UPF3B: variants seen among roughly 807,000 people sequenced by gnomAD.
UPF3B encodes the protein regulator of nonsense transcripts 3B.
UPF3B carries 7 observed loss-of-function variants against 40.3 expected under a neutral mutation model. That is an observed-to-expected ratio of 0.17 (90% CI 0.10 to 0.33). The LOEUF (loss-of-function observed/expected upper bound fraction) is 0.33. UPF3B is among the 10% of genes least tolerant of loss of function. The pLI is 1.00. For synonymous variants in UPF3B, 117 were observed against 117.3 expected (o/e 1.00, Z 0.01); for missense variants, 229 against 358.9 (o/e 0.64, Z 2.93).
chrX:119,850,063 G>A (rs751898639), intron 3 of UPF3B, among the ~76,000 whole-genome samples: 2 of 102,989 alleles, frequency 1.9e-5, no homozygotes, highest in Non-Finnish European at 3.9e-5. Context: ...GCTGAGGTGG[G>A]GGGGGGGAAA....
chrX:119,809,700 G>A (rs1478616326), intron 5 of UPF3B, among the ~76,000 whole-genome samples: 1 of 111,963 alleles, frequency 8.9e-6, no homozygotes, highest in Non-Finnish European at 1.9e-5. Context: ...CAGCCTGGGC[G>A]ACAGAGTGAG....
chrX:119,849,945 AAAAC>A (rs201679684), intron 3 of UPF3B, among the ~76,000 whole-genome samples: 10 of 110,070 alleles, frequency 9.1e-5, no homozygotes, highest in East Asian at 2.9e-4. Flanking sequence ...AAAACAAAAC[AAAAC>A]AAACAAACAA....
chrX:119,852,638 G>A lies in UPF3B; in HGVS notation c.156+135C>T. On this transcript the variant is annotated intron_variant, in intron 1 of 10. Coordinates refer to ENST00000276201, the MANE Select transcript of UPF3B (RefSeq NM_080632.3). ...CATTTCGGGTGAATGGATGAACCAG[G>A]ATGATGCGACTTCCATTCAGGCGAA... 4 of 1,023,646 alleles carry A rather than the reference G, an allele frequency of 3.9e-6. No individual in the cohort carries two copies. In the South Asian group the frequency reaches 8.0e-5, roughly 21 times the overall value. The allele number at this position is 1,023,646 out of a possible 1,213,427, so 84.4% of individuals were successfully genotyped here.
chrX:119,839,592 C>T (rs1042376998), intron 8 of UPF3B, among the ~76,000 whole-genome samples: 1 of 112,171 alleles, frequency 8.9e-6, no homozygotes, highest in African/African-American at 3.2e-5. Context: ...GAAGGTATCA[C>T]ACAAGGTTCA....
At chrX:119,829,977 C>A (rs1169719111), downstream of UPF3B, among the ~76,000 whole-genome samples, 1 of 111,924 alleles carries the variant, frequency 8.9e-6, no homozygotes, top group African/African-American at 3.2e-5. Flanking sequence ...GTCAGCCAAT[C>A]TCCTTCTTGA....
At chrX:119,810,193 G>A (rs2055818204) in intron 5 of UPF3B, among the ~76,000 whole-genome samples, 1 of 112,348 alleles carries the variant, frequency 8.9e-6, no homozygotes, top group Non-Finnish European at 1.9e-5. Context: ...CAAAAGTTGA[G>A]CAAACTTTCC....
intron 3 of UPF3B, among the ~76,000 whole-genome samples, chrX:119,826,985 G>A (rs2055985001): frequency 8.9e-6 from 1 of 112,050 alleles, no homozygotes; most frequent in South Asian, 3.7e-4. Context: ...TATTATGAGA[G>A]TGTCTTGAGA....
At chrX:119,844,275 T>G (rs1456285223) in intron 4 of UPF3B, among the ~76,000 whole-genome samples, 2 of 111,202 alleles carry the variant, frequency 1.8e-5, no homozygotes, top group African/African-American at 6.5e-5. Context: ...GGTCTCGAAC[T>G]CCTGACCTCA....
chrX:119,810,719 A>C (rs896470493), intron 5 of UPF3B, among the ~76,000 whole-genome samples: 11 of 111,564 alleles, frequency 9.9e-5, no homozygotes, highest in African/African-American at 1.6e-4. Context: ...AGAGAGTTTC[A>C]ATGGGAAACC....
intron 3 of UPF3B, among the ~76,000 whole-genome samples, chrX:119,826,691 T>C (rs757160913): frequency 8.9e-6 from 1 of 112,195 alleles, no homozygotes; most frequent in East Asian, 2.8e-4. Context: ...TTAATTATTG[T>C]TTTTGCCATT....
downstream of UPF3B, among the ~76,000 whole-genome samples, chrX:119,832,708 C>T (rs1362914314): frequency 9.0e-6 from 1 of 111,166 alleles, no homozygotes; most frequent in Non-Finnish European, 1.9e-5. Flanking sequence ...TAAAGGACAG[C>T]CCAGAGACAG....
chrX:119,836,681 C>T (rs757591684), intron 10 of UPF3B, among the ~76,000 whole-genome samples: 25 of 105,788 alleles, frequency 2.4e-4, no homozygotes, highest in East Asian at 1.8e-3. Flanking sequence ...GACAGAGTCT[C>T]GCTCTGTTGC....
At position 119,840,630 on chromosome X, in the gene UPF3B, T is replaced by C. The variant is rs2056150093; in HGVS notation, c.846+16A>G. Reference sequence around the variant, plus strand: ...ACATGATACTAGATGCTCTGTATCATGTACTTGGTCCTTACATTTTTCTGA... The same window carrying C: ...ACATGATACTAGATGCTCTGTATCACGTACTTGGTCCTTACATTTTTCTGA... On this transcript the variant is annotated intron_variant, in intron 8 of 10. Transcript: ENST00000276201. The C allele has an allele frequency of 1.7e-6, 2 of 1,201,089 alleles. No individual in the cohort carries two copies. Among genetic ancestry groups the C allele is most frequent in the Non-Finnish European group, 2.3e-6 (2 of 887,941 alleles).
At chrX:119,841,671 T>C (rs1240099731) in intron 6 of UPF3B, 64 bp downstream of exon 6, 4 of 1,032,673 alleles carry the variant, frequency 3.9e-6, no homozygotes, top group African/African-American at 3.7e-5. Context: ...GCTCTTAAAA[T>C]GTTTATAGAA....
chrX:119,807,333 C>G (rs1222517832), intron 6 of UPF3B: 1 of 810,385 alleles, frequency 1.2e-6, no homozygotes, highest in East Asian at 9.4e-5. Flanking sequence ...ACAACCACCC[C>G]CTTTCTCTCT....
intron 4 of UPF3B, among the ~76,000 whole-genome samples, chrX:119,819,371 A>G (rs1294583437): frequency 1.8e-5 from 2 of 110,671 alleles, no homozygotes; most frequent in African/African-American, 6.6e-5. Flanking sequence ...TTATTATAAG[A>G]GTGTTTTGAG....
Position 119,834,943 on chromosome X carries a change from C to T in UPF3B, c.1387G>A (p.Asp463Asn). 1.6e-6 allele frequency: 2 copies of T among 1,212,166 alleles called. No homozygotes were observed. Among genetic ancestry groups the T allele is most frequent in the Non-Finnish European group, 2.2e-6 (2 of 895,646 alleles). ...TCCTGCTTCCTTTCTGCTGCTGAAT[C>T]TCCAGACTTGGTGCTGTCATCAGGG... ...CPPDDSTKSG[D>N]SAAERKQESG... Residue 463 changes from aspartate to asparagine, a missense_variant, in exon 11 of 11, where the codon GAT becomes AAT. Physicochemically the swap from Asp to Asn is conservative, Grantham distance 23. Transcript: ENST00000276201.
At chrX:119,818,550 A>G (rs746227236) in intron 4 of UPF3B, among the ~76,000 whole-genome samples, 5 of 111,921 alleles carry the variant, frequency 4.5e-5, no homozygotes, top group African/African-American at 9.7e-5. Flanking sequence ...ACTGGCCTCC[A>G]GCCTTCGTGA....
downstream of UPF3B, among the ~76,000 whole-genome samples, chrX:119,833,029 C>T (rs138240411): frequency 0.014 from 1,595 of 111,205 alleles, 19 homozygotes; most frequent in Non-Finnish European, 0.021. Context: ...TAGCTACCCC[C>T]CACTGCCCTC....
Sources: allele counts gnomAD v4.1 joint callset (sites outside exome capture counted in the v4.1 genomes callset), GRCh38; gene constraint gnomAD v4.1.1; transcripts MANE v1.5; gene names NCBI Gene and HGNC (gene_info 2026-07-23, HGNC 2026-07-21).